Variants in TBC1D30 observed in about 807,000 individuals in gnomAD.
TBC1D30 encodes the protein TBC1 domain family member 30.
In TBC1D30, 31 loss-of-function variants were observed where a neutral mutation model predicts 63.2. The observed-to-expected ratio is 0.49, with a 90% CI of 0.37 to 0.66. The LOEUF is 0.66. Among genes scored for constraint, TBC1D30 ranks in the 30% least tolerant of loss-of-function variants. The probability of loss-of-function intolerance (pLI) is 0.00; values close to 1 mark genes in which losing one functional copy is unlikely to be tolerated. For synonymous variants in TBC1D30, 307 were observed against 361.5 expected (o/e 0.85, Z 1.71); for missense variants, 810 against 953.6 (o/e 0.85, Z 1.98).
intron 7 of TBC1D30, among the ~76,000 whole-genome samples, chr12:64,841,625 T>C (rs1023601330): frequency 6.6e-6 from 1 of 152,208 alleles, no homozygotes; most frequent in African/African-American, 2.4e-5. Context: ...CCTCTGGTCC[T>C]GCAACCACTA....
At chr12:64,787,422 C>T in intron 2 of TBC1D30, 4 of 959,176 alleles carry the variant, frequency 4.2e-6, no homozygotes, top group Non-Finnish European at 5.0e-6. Context: ...TGATAAAATG[C>T]CTGTGACAGC....
upstream of TBC1D30, among the ~76,000 whole-genome samples, chr12:64,821,766 T>G (rs1162336533): frequency 1.3e-5 from 2 of 152,210 alleles, no homozygotes. Context: ...GATACAAACA[T>G]GTACCAAAAC....
At chr12:64,814,217 T>C (rs1405603013) in intron 2 of TBC1D30, among the ~76,000 whole-genome samples, 1 of 152,110 alleles carries the variant, frequency 6.6e-6, no homozygotes, top group Non-Finnish European at 1.5e-5. Context: ...TAGCTAACTT[T>C]TGTATTTCTA....
intron 8 of TBC1D30, among the ~76,000 whole-genome samples, chr12:64,852,350 A>G (rs1214244287): frequency 6.6e-6 from 1 of 152,102 alleles, no homozygotes; most frequent in East Asian, 1.9e-4. Flanking sequence ...TTTCAGCTCC[A>G]TCAGGTCATT....
chr12:64,801,695 C>T (rs995455147), intron 2 of TBC1D30, among the ~76,000 whole-genome samples: 1 of 152,068 alleles, frequency 6.6e-6, no homozygotes, highest in Non-Finnish European at 1.5e-5. Flanking sequence ...TATTAATTGA[C>T]AGTGTTAATA....
At chr12:64,835,781 A>G (rs1336419013) in intron 5 of TBC1D30, among the ~76,000 whole-genome samples, 1 of 152,216 alleles carries the variant, frequency 6.6e-6, no homozygotes, top group Non-Finnish European at 1.5e-5. Context: ...TTTGGTGGGA[A>G]AGAACCAGGG....
intron 2 of TBC1D30, among the ~76,000 whole-genome samples, chr12:64,807,917 A>ATTTTTTTTTTTTTTTTTTTTTTTT (rs1175968255): frequency 2.0e-5 from 1 of 49,514 alleles, no homozygotes; most frequent in East Asian, 9.3e-4. Flanking sequence ...GCCTAATTTA[A>ATTTTTTTTTTTTTTTTTTTTTTTT]GTTTTTTTTT....
intron 2 of TBC1D30, 72 bp from the exon 3 acceptor site, chr12:64,828,372 A>G: frequency 4.5e-6 from 5 of 1,112,490 alleles, no homozygotes. Context: ...GAATGTCAAG[A>G]TGGGAAAAAG....
intron 2 of TBC1D30, among the ~76,000 whole-genome samples, chr12:64,817,675 T>C (rs1004703271): frequency 6.6e-6 from 1 of 152,188 alleles, no homozygotes; most frequent in African/African-American, 2.4e-5. Context: ...TTCGAACTCA[T>C]CACCCTTCTC....
At chr12:64,865,815 C>T (rs1878163327) in intron 9 of TBC1D30, among the ~76,000 whole-genome samples, 1 of 152,140 alleles carries the variant, frequency 6.6e-6, no homozygotes, top group Non-Finnish European at 1.5e-5. Flanking sequence ...GGAAACCACT[C>T]AAGTGTATAC....
exon 1 of TBC1D30, among the ~76,000 whole-genome samples, chr12:64,780,587 C>T (rs947027990): frequency 2.0e-5 from 3 of 152,244 alleles, no homozygotes; most frequent in Non-Finnish European, 2.9e-5. Flanking sequence ...CCCCAGGTAG[C>T]TCAGTGGCGT....
At chr12:64,823,713 C>T (rs1429234457), upstream of TBC1D30, among the ~76,000 whole-genome samples, 5 of 152,134 alleles carry the variant, frequency 3.3e-5, no homozygotes, top group African/African-American at 1.2e-4. Flanking sequence ...TGGCCTCAAA[C>T]TCTTGGGGCT....
At chr12:64,771,770 A>G (rs1870914669) in intron 1 of TBC1D30, among the ~76,000 whole-genome samples, 1 of 152,230 alleles carries the variant, frequency 6.6e-6, no homozygotes, top group African/African-American at 2.4e-5. Flanking sequence ...AGTAACAGGA[A>G]GAGCTTTGGG....
intron 8 of TBC1D30, among the ~76,000 whole-genome samples, chr12:64,853,260 C>T (rs958266205): frequency 1.3e-5 from 2 of 152,190 alleles, no homozygotes; most frequent in Non-Finnish European, 2.9e-5. Context: ...CCTCCCAGTT[C>T]GAACTTCCTG....
chr12:64,816,149 C>T (rs771637212), intron 2 of TBC1D30, among the ~76,000 whole-genome samples: 7 of 151,928 alleles, frequency 4.6e-5, no homozygotes, highest in Non-Finnish European at 1.0e-4. Context: ...TCCTGTGCCT[C>T]AGCCTTCCAA....
intron 2 of TBC1D30, among the ~76,000 whole-genome samples, chr12:64,798,704 A>G (rs538354241): frequency 2.7e-5 from 4 of 149,806 alleles, no homozygotes; most frequent in African/African-American, 9.7e-5. Context: ...TTCTCTGTGT[A>G]TGCAGATCCT....
In TBC1D30 at chr12:64,836,534, C is replaced by T. The variant is rs1246958491; in HGVS notation, c.639C>T (p.Phe213=). ...LIDKVLPESY[F]VNNLRALSVD... Reference sequence around the variant, plus strand: ...ATAAGGTACTTCCCGAAAGCTATTTCGTCAATAATCTCCGGGCATTGTCTG... The same window carrying T: ...ATAAGGTACTTCCCGAAAGCTATTTTGTCAATAATCTCCGGGCATTGTCTG... Residue 213 remains phenylalanine (F), a synonymous_variant, in exon 6 of 12, where the codon TTC becomes TTT. Transcript: ENST00000539867. The T allele has an allele frequency of 6.5e-6, 10 of 1,535,820 alleles. No individual in the cohort carries two copies. The highest frequency in any genetic ancestry group is 1.4e-5 in the African/African-American group (1 of 73,100).
At position 64,878,715 on chromosome 12, in the gene TBC1D30, AACCCCAG is replaced by A; in HGVS notation, c.*2933_*2939del. The stretch of plus-strand genomic sequence containing the variant: ...CCTTCTTCCTTCTTCCTTCACCCCC[AACCCCAG>A]ACCCCCCTTGGTCACATGAACCAGG... On this transcript the variant is annotated 3_prime_UTR_variant, in exon 12 of 12. Transcript: ENST00000539867. The A allele has an allele frequency of 2.8e-6, 1 of 363,504 alleles. No individual in the cohort carries two copies. The highest frequency in any genetic ancestry group is 5.5e-6 in the Non-Finnish European group (1 of 183,302). 22.5% of individuals were successfully genotyped at this position (363,504 alleles called of 1,614,324 possible).
At chr12:64,778,193 A>G (rs1396199058), upstream of TBC1D30, among the ~76,000 whole-genome samples, 2 of 152,176 alleles carry the variant, frequency 1.3e-5, no homozygotes, top group African/African-American at 2.4e-5. Context: ...TATATTTACT[A>G]AAGTTAACTT....
Sources: gnomAD v4.1 joint callset for allele counts (sites outside exome capture counted in the v4.1 genomes callset) on GRCh38, gnomAD v4.1.1 for gene constraint, MANE v1.5 for transcripts, NCBI Gene and HGNC (gene_info 2026-07-23, HGNC 2026-07-21) for gene names.